ALK: variants seen among roughly 807,000 people sequenced by gnomAD.
ALK encodes ALK receptor tyrosine kinase, also known as ALK tyrosine kinase receptor.
A neutral mutation model predicts 163.1 loss-of-function variants in ALK; 74 were observed. That is an observed-to-expected ratio of 0.45 (90% CI 0.38 to 0.55). ALK has a LOEUF of 0.55. Ranked by LOEUF, ALK falls within the 20% of genes least tolerant of loss-of-function variation. The pLI is 0.00. For synonymous variants in ALK, 960 were observed against 843.2 expected, an observed-to-expected ratio of 1.14 and a Z score of -2.40; for missense variants, 2,063 against 2,105.3, an observed-to-expected ratio of 0.98 and a Z score of 0.39.
chr2:29,535,234 T>C (rs1432648640), intron 3 of ALK, among the ~76,000 whole-genome samples: 2 of 152,240 alleles, frequency 1.3e-5, no homozygotes, highest in Non-Finnish European at 2.9e-5. Context: ...GAGAGGCAGA[T>C]CAAAGAGCTC....
chr2:29,919,445 A>T (rs1250913000), intron 1 of ALK, among the ~76,000 whole-genome samples: 2 of 151,952 alleles, frequency 1.3e-5, no homozygotes, highest in Non-Finnish European at 2.9e-5. Flanking sequence ...TGGGAGGGGG[A>T]GAATAAATAA....
intron 5 of ALK, among the ~76,000 whole-genome samples, chr2:29,356,385 T>G (rs888773110): frequency 6.6e-6 from 1 of 152,170 alleles, no homozygotes; most frequent in Admixed American, 6.5e-5. Flanking sequence ...TACCTGGATT[T>G]GAATTCAGGC....
At chr2:29,312,834 C>G (rs1666729870) in intron 8 of ALK, among the ~76,000 whole-genome samples, 1 of 152,194 alleles carries the variant, frequency 6.6e-6, no homozygotes, top group Non-Finnish European at 1.5e-5. Context: ...ACTCCTAGAG[C>G]TGGACTTGCT....
intron 1 of ALK, among the ~76,000 whole-genome samples, chr2:29,752,833 T>G (rs977577177): frequency 2.9e-4 from 44 of 152,126 alleles, no homozygotes; most frequent in Non-Finnish European, 5.3e-4. Context: ...CTGCCAAAAC[T>G]GCTTTTCAAG....
chr2:29,896,198 G>T (rs1323936289), intron 1 of ALK, among the ~76,000 whole-genome samples: 1 of 152,132 alleles, frequency 6.6e-6, no homozygotes. Context: ...GAGGAAATGG[G>T]TCTTAGAGGA....
intron 3 of ALK, among the ~76,000 whole-genome samples, chr2:29,665,274 AC>A (rs1677481565): frequency 6.6e-6 from 1 of 151,818 alleles, no homozygotes; most frequent in Non-Finnish European, 1.5e-5. Context: ...GGCGTGAACC[AC>A]CATGCCTGGC....
chr2:29,269,335 C>T (rs890670377), intron 11 of ALK, among the ~76,000 whole-genome samples: 1 of 152,206 alleles, frequency 6.6e-6, no homozygotes, highest in East Asian at 1.9e-4. Context: ...TGCTTTCTCA[C>T]CATCAAGCCA....
intron 3 of ALK, among the ~76,000 whole-genome samples, chr2:29,548,231 T>C (rs989555057): frequency 6.6e-6 from 1 of 152,128 alleles, no homozygotes; most frequent in East Asian, 1.9e-4. Flanking sequence ...CCCAGCACTT[T>C]GGGAGGCCAA....
chr2:29,446,145 A>AAAAC (rs374147654), intron 4 of ALK, among the ~76,000 whole-genome samples: 106,843 of 131,480 alleles, frequency 0.81, 45,048 homozygotes, highest in Non-Finnish European at 0.93. Flanking sequence ...CTGTCTCAAA[A>AAAAC]AAACAAACAA....
At chr2:29,293,181 T>C (rs1205384770) in intron 9 of ALK, among the ~76,000 whole-genome samples, 1 of 152,260 alleles carries the variant, frequency 6.6e-6, no homozygotes, top group Non-Finnish European at 1.5e-5. Flanking sequence ...GTATTTATTA[T>C]AAAGCAATCA....
chr2:29,375,139 C>T (rs1278888500), intron 5 of ALK, among the ~76,000 whole-genome samples: 1 of 152,080 alleles, frequency 6.6e-6, no homozygotes, highest in Non-Finnish European at 1.5e-5. Flanking sequence ...GAAACAGCAG[C>T]AGCAAGGAAG....
intron 1 of ALK, among the ~76,000 whole-genome samples, chr2:29,723,829 C>T (rs1433015128): frequency 6.6e-6 from 1 of 152,104 alleles, no homozygotes; most frequent in Non-Finnish European, 1.5e-5. Context: ...GAGTCTTGGT[C>T]TCTTTTCTAT....
At chr2:29,309,937 C>T (rs146850436) in intron 8 of ALK, among the ~76,000 whole-genome samples, 1 of 152,224 alleles carries the variant, frequency 6.6e-6, no homozygotes, top group African/African-American at 2.4e-5. Flanking sequence ...GCCTGAGTAA[C>T]GTAAGATGAG....
intron 1 of ALK, among the ~76,000 whole-genome samples, chr2:29,889,161 T>C (rs903761741): frequency 3.9e-5 from 6 of 152,192 alleles, no homozygotes; most frequent in Non-Finnish European, 5.9e-5. Context: ...TTTTACTTAG[T>C]TGCATTTTAA....
chr2:29,809,885 T>G lies in ALK; in HGVS notation c.668-92188A>C, dbSNP rs577015903. On this transcript the variant is annotated intron_variant, in intron 1 of 28. Transcript: ENST00000389048. ...AAAGGACTTGTCTATCTGTAACCAGTTTGTATTTTGTGGTCTGTATTTGCC... is the reference window on the plus strand; with the variant it reads ...AAAGGACTTGTCTATCTGTAACCAGGTTGTATTTTGTGGTCTGTATTTGCC... Among the ~76,000 whole-genome samples the G allele has an allele frequency of 5.3e-5, 8 of 152,288 alleles. No individual in the cohort carries two copies. In the East Asian group the frequency reaches 1.5e-3, roughly 29 times the overall value.
intron 5 of ALK, among the ~76,000 whole-genome samples, chr2:29,382,742 T>C (rs1186079099): frequency 1.3e-5 from 2 of 152,208 alleles, no homozygotes; most frequent in Non-Finnish European, 2.9e-5. Flanking sequence ...TTCTTATACA[T>C]TGCCTCATAT....
intron 2 of ALK, among the ~76,000 whole-genome samples, chr2:29,710,455 G>A (rs2148301494): frequency 6.6e-6 from 1 of 151,626 alleles, no homozygotes; most frequent in South Asian, 2.1e-4. Flanking sequence ...GATCTCCTCT[G>A]GGTCTTCAAC....
intron 3 of ALK, 26 bp downstream of exon 3, chr2:29,694,824 G>A (rs767998310): frequency 1.9e-6 from 3 of 1,612,786 alleles, no homozygotes; most frequent in African/African-American, 1.3e-5. Context: ...ACCCACCCAG[G>A]ACATCACCAG....
intron 4 of ALK, among the ~76,000 whole-genome samples, chr2:29,498,023 T>A (rs1269476232): frequency 6.6e-6 from 1 of 152,194 alleles, no homozygotes; most frequent in Non-Finnish European, 1.5e-5. Flanking sequence ...TACTACTAAC[T>A]TCATTAGGAT....
Sources: gnomAD v4.1 joint callset for allele counts (sites outside exome capture counted in the v4.1 genomes callset) on GRCh38, gnomAD v4.1.1 for gene constraint, MANE v1.5 for transcripts, NCBI Gene and HGNC (gene_info 2026-07-23, HGNC 2026-07-21) for gene names.